CLSTN2: variants seen among roughly 807,000 people sequenced by gnomAD.
The protein encoded by CLSTN2 is calsyntenin 2.
In CLSTN2, 48 loss-of-function variants were observed where a neutral mutation model predicts 101.2. That is an observed-to-expected ratio of 0.47 (90% CI 0.38 to 0.60). The LOEUF is 0.60. Ranked by LOEUF, CLSTN2 falls within the 20% of genes least tolerant of loss-of-function variation. The probability of loss-of-function intolerance (pLI) is 0.00; values close to 1 mark genes in which losing one functional copy is unlikely to be tolerated. For synonymous variants in CLSTN2, 481 were observed against 463.6 expected (o/e 1.04, Z -0.48); for missense variants, 1,160 against 1,238.2 (o/e 0.94, Z 0.95).
rs764553767 is a variant in CLSTN2, at chr3:140,563,121, T to G, written c.2400T>G (p.His800Gln). The G allele has an allele frequency of 6.2e-7, 1 of 1,614,120 alleles. No individual in the cohort carries two copies. The highest frequency in any genetic ancestry group is 1.1e-5 in the South Asian group (1 of 91,076). ...AAGACCAAGTCTCAGATAAGGAGCA[T>G]GTCAATCATCTGATTGTGCAGCCTC... Reference protein sequence around the residue: ...LHEDQVSDKEHVNHLIVQPPF... With the variant: ...LHEDQVSDKEQVNHLIVQPPF... The change falls in exon 15 of 17, where the codon CAT becomes CAG. Residue 800 changes from histidine to glutamine, a missense_variant. By Grantham distance (24) the His-to-Gln change is conservative (BLOSUM62 0). Coordinates refer to ENST00000458420, the MANE Select transcript of CLSTN2 (RefSeq NM_022131.3).
At chr3:140,305,584 T>G (rs1220659220) in intron 2 of CLSTN2, among the ~76,000 whole-genome samples, 2 of 152,168 alleles carry the variant, frequency 1.3e-5, no homozygotes, top group African/African-American at 2.4e-5. Flanking sequence ...AACCCTGGGA[T>G]GCCTTGTTGA....
At chr3:140,030,298 G>A (rs965431159) in intron 1 of CLSTN2, among the ~76,000 whole-genome samples, 5 of 152,150 alleles carry the variant, frequency 3.3e-5, no homozygotes, top group Non-Finnish European at 5.9e-5. Context: ...GAGTTGGGTA[G>A]CTTCCCCAAT....
intron 8 of CLSTN2, among the ~76,000 whole-genome samples, chr3:140,495,661 C>G (rs1197890841): frequency 6.6e-6 from 1 of 152,104 alleles, no homozygotes; most frequent in Non-Finnish European, 1.5e-5. Flanking sequence ...GGAAGGGGTC[C>G]AGTTTCAATT....
At chr3:140,261,132 A>T (rs375111334) in intron 2 of CLSTN2, among the ~76,000 whole-genome samples, 2 of 151,718 alleles carry the variant, frequency 1.3e-5, no homozygotes, top group East Asian at 1.9e-4. Flanking sequence ...TTTGGAAATG[A>T]CTATACATAA....
At chr3:140,417,005 T>C (rs543555460) in intron 4 of CLSTN2, among the ~76,000 whole-genome samples, 2 of 152,356 alleles carry the variant, frequency 1.3e-5, no homozygotes, top group Admixed American at 6.5e-5. Flanking sequence ...ATGCCTTGTG[T>C]GGGAAATTTG....
At chr3:140,263,292 T>C (rs1354090947) in intron 2 of CLSTN2, among the ~76,000 whole-genome samples, 1 of 152,100 alleles carries the variant, frequency 6.6e-6, no homozygotes, top group Non-Finnish European at 1.5e-5. Context: ...GGGACCTATA[T>C]GTGGAGATTA....
In CLSTN2 at chr3:140,356,627, G is replaced by A. The variant is rs1320693441; in HGVS notation, c.233-47002G>A. Among the ~76,000 whole-genome samples the A allele has an allele frequency of 2.6e-5, 4 of 151,728 alleles. 1 individual carries two copies. The South Asian group carries it at 6.3e-4, about 24-fold the overall frequency. ...ACAAAAATTAGCCGAGTGTGGTGAC[G>A]CACGCCTGTCATCCCAGCTGCTCAG... On this transcript the variant is annotated intron_variant, in intron 2 of 16. Coordinates refer to ENST00000458420, the MANE Select transcript of CLSTN2 (RefSeq NM_022131.3).
At chr3:139,941,401 A>G (rs1320812103) in intron 1 of CLSTN2, among the ~76,000 whole-genome samples, 1 of 152,198 alleles carries the variant, frequency 6.6e-6, no homozygotes, top group Non-Finnish European at 1.5e-5. Context: ...TAGCCTTTTC[A>G]GCCAATTACT....
At chr3:140,300,199 C>G (rs2087044864) in intron 2 of CLSTN2, among the ~76,000 whole-genome samples, 1 of 152,182 alleles carries the variant, frequency 6.6e-6, no homozygotes, top group African/African-American at 2.4e-5. Flanking sequence ...GGATTTTATG[C>G]ATAATAATGC....
At chr3:139,991,261 G>T (rs1476741816) in intron 1 of CLSTN2, among the ~76,000 whole-genome samples, 1 of 152,178 alleles carries the variant, frequency 6.6e-6, no homozygotes, top group Non-Finnish European at 1.5e-5. Context: ...TCTATTAAAT[G>T]CTATTTGATT....
chr3:139,955,229 G>A (rs1935373134), intron 1 of CLSTN2, among the ~76,000 whole-genome samples: 1 of 149,702 alleles, frequency 6.7e-6, no homozygotes, highest in African/African-American at 2.5e-5. Flanking sequence ...TGTGTGAATA[G>A]TGTATGAATC....
intron 1 of CLSTN2, among the ~76,000 whole-genome samples, chr3:140,000,656 C>T (rs921385879): frequency 6.6e-6 from 1 of 152,140 alleles, no homozygotes; most frequent in Non-Finnish European, 1.5e-5. Context: ...TGGATAATGG[C>T]CGTGGGAAGC....
intron 9 of CLSTN2, among the ~76,000 whole-genome samples, chr3:140,538,603 C>G (rs1281104421): frequency 1.3e-5 from 2 of 152,164 alleles, no homozygotes; most frequent in African/African-American, 4.8e-5. Flanking sequence ...TTTCTTCTGC[C>G]AGACAACAGC....
intron 2 of CLSTN2, among the ~76,000 whole-genome samples, chr3:140,191,138 A>G (rs1559802495): frequency 4.0e-5 from 6 of 151,892 alleles, no homozygotes. Context: ...ATGGGTGTTG[A>G]TTTTGTCAAA....
chr3:140,174,622 C>G (rs2010292568), intron 1 of CLSTN2, among the ~76,000 whole-genome samples: 1 of 152,164 alleles, frequency 6.6e-6, no homozygotes, highest in Admixed American at 6.6e-5. Flanking sequence ...TCTTACCATC[C>G]TGTCTTACAT....
chr3:139,986,306 C>G (rs1347735160), intron 1 of CLSTN2, among the ~76,000 whole-genome samples: 1 of 152,064 alleles, frequency 6.6e-6, no homozygotes, highest in Non-Finnish European at 1.5e-5. Flanking sequence ...ATAACAGTTA[C>G]CCTTTATTCC....
chr3:140,416,495 C>T (rs1008145521), intron 4 of CLSTN2, among the ~76,000 whole-genome samples: 49 of 151,968 alleles, frequency 3.2e-4, no homozygotes, highest in African/African-American at 1.1e-3. Flanking sequence ...TTGTATACCC[C>T]AAATATATAC....
At chr3:140,244,428 C>G (rs1016077078) in intron 2 of CLSTN2, among the ~76,000 whole-genome samples, 1 of 152,182 alleles carries the variant, frequency 6.6e-6, no homozygotes, top group Admixed American at 6.5e-5. Flanking sequence ...CTCCTCCACT[C>G]TACATCCAAC....
At position 140,085,205 on chromosome 3, in the gene CLSTN2, CAACA is replaced by C. The variant is rs374056855; in HGVS notation, c.110-90741_110-90738del. On this transcript the variant is annotated intron_variant, in intron 1 of 16. Coordinates refer to ENST00000458420, the MANE Select transcript of CLSTN2 (RefSeq NM_022131.3). ...TAATTTCCTGCCTTAGAAAAGAAAT[CAACA>C]AACAGATGGATGTCACTGCTGTTGC... Among the ~76,000 whole-genome samples the C allele has an allele frequency of 9.2e-5, 14 of 152,294 alleles. No individual in the cohort carries two copies. In the East Asian group the frequency reaches 1.9e-3, roughly 21 times the overall value.
Sources: allele counts gnomAD v4.1 joint callset (sites outside exome capture counted in the v4.1 genomes callset), GRCh38; gene constraint gnomAD v4.1.1; transcripts MANE v1.5; gene names NCBI Gene and HGNC (gene_info 2026-07-23, HGNC 2026-07-21).